The following CHEK2 variants were observed in gnomAD, a reference collection of about 807,000 sequenced individuals.
The protein encoded by CHEK2 is serine/threonine-protein kinase Chk2.
A neutral mutation model predicts 69.1 loss-of-function variants in CHEK2; 71 were observed. That is an observed-to-expected ratio of 1.03 (90% CI 0.85 to 1.25). The LOEUF is 1.25. Ranked by LOEUF, CHEK2 falls within the 50% of genes most tolerant of loss-of-function variation. The probability of loss-of-function intolerance (pLI) is 0.00; values close to 1 mark genes in which losing one functional copy is unlikely to be tolerated. For missense variants in CHEK2, 664 were observed against 649.6 expected, an observed-to-expected ratio of 1.02 and a Z score of -0.24; for synonymous variants, 189 against 226.9, an observed-to-expected ratio of 0.83 and a Z score of 1.50.
intron 8 of CHEK2, among the ~76,000 whole-genome samples, chr22:28,700,206 A>C (rs1430920539): frequency 7.0e-6 from 1 of 142,736 alleles, no homozygotes; most frequent in Non-Finnish European, 1.5e-5. Flanking sequence ...GGGGCCCAGG[A>C]GTTGCTTTTT....
rs2146145499 is a variant in CHEK2 at position 28,734,458 on chromosome 22, A to G, written c.264T>C (p.Pro88=). 6.2e-7 allele frequency: 1 copy of G among 1,614,122 alleles called. No individual in the cohort carries two copies. The highest frequency in any genetic ancestry group is 8.5e-7 in the Non-Finnish European group (1 of 1,179,978). Residue 88 remains proline, a synonymous_variant, in exon 2 of 15, where the codon CCT becomes CCC. Coordinates refer to ENST00000404276, the MANE Select transcript of CHEK2 (RefSeq NM_007194.4). ...QEPEDQEPEE[P]TPAPWARLWA... is the part of the protein sequence containing the mutation. ...ATAATCGAGCCCAGGGGGCAGGGGT[A>G]GGCTCCTCAGGTTCTTGGTCCTCAG...
At chr22:28,721,751 G>A in intron 4 of CHEK2, 1 of 353,760 alleles carries the variant, frequency 2.8e-6, no homozygotes, top group Non-Finnish European at 5.9e-6. Flanking sequence ...ATTTTTTTGA[G>A]ACACGTTCTT....
intron 4 of CHEK2, chr22:28,721,428 A>T (rs1299221156): frequency 9.7e-6 from 3 of 308,890 alleles, no homozygotes; most frequent in Non-Finnish European, 2.1e-5. Flanking sequence ...CTGGGATTAC[A>T]GGCGCCTGCC....
rs529908139 is a variant in CHEK2, at chr22:28,709,864, C to A, written c.846+142G>T. 1.1e-4 allele frequency: 54 copies of A among 499,154 alleles called. 1 individual carries two copies. The East Asian group carries it at 2.0e-3, about 18-fold the overall frequency. 30.9% of individuals were successfully genotyped at this position (499,154 alleles called of 1,614,324 possible). On this transcript the variant is annotated intron_variant, in intron 7 of 14. Transcript: ENST00000404276. The stretch of plus-strand genomic sequence containing the variant: ...CTCCTGACCTCAGGTGATTCACCCA[C>A]CTCGGCCTCCCAAAGTGCTAGGGTT...
intron 7 of CHEK2, among the ~76,000 whole-genome samples, chr22:28,705,131 T>G (rs2053066599): frequency 6.7e-5 from 10 of 149,464 alleles, no homozygotes. Context: ...CAGGCTGGAG[T>G]GCGGTGGCGA....
At chr22:28,712,164 C>A in intron 5 of CHEK2, 147 bp from the exon 6 acceptor site, 1 of 673,846 alleles carries the variant, frequency 1.5e-6, no homozygotes, top group Middle Eastern at 2.7e-4. Flanking sequence ...CACAGTGAAA[C>A]TTCACCAGTG....
rs904234823 is a variant in CHEK2 at position 28,732,118 on chromosome 22, CT to C, written c.319+2284del. On this transcript the variant is annotated intron_variant, in intron 2 of 14. Coordinates refer to ENST00000404276, the MANE Select transcript of CHEK2 (RefSeq NM_007194.4). ...CACAACGCCCCGCAAATTTTTTTTT[CT>C]TTTTTTTTTGAGATGGAGTTTCGCT... Among the ~76,000 whole-genome samples the C allele has an allele frequency of 2.6e-4, 38 of 146,182 alleles. No homozygotes were observed. The East Asian group carries it at 4.0e-3, about 15-fold the overall frequency.
At chr22:28,740,764 G>C (rs2054532137) in intron 1 of CHEK2, among the ~76,000 whole-genome samples, 1 of 152,142 alleles carries the variant, frequency 6.6e-6, no homozygotes, top group Non-Finnish European at 1.5e-5. Flanking sequence ...AATGTGCATG[G>C]ACCTGGTTAT....
intron 9 of CHEK2, among the ~76,000 whole-genome samples, chr22:28,698,443 G>A (rs1369538515): frequency 6.6e-6 from 1 of 151,966 alleles, no homozygotes; most frequent in Non-Finnish European, 1.5e-5. Flanking sequence ...GTGTTTATGG[G>A]CTTCAATCTT....
intron 4 of CHEK2, among the ~76,000 whole-genome samples, chr22:28,724,208 C>G (rs1274189283): frequency 6.6e-6 from 1 of 152,038 alleles, no homozygotes; most frequent in African/African-American, 2.4e-5. Flanking sequence ...GAGTTCAAGA[C>G]CAGCCTGGCC....
intron 2 of CHEK2, among the ~76,000 whole-genome samples, chr22:28,725,872 G>A (rs1019647817): frequency 1.3e-5 from 2 of 150,362 alleles, no homozygotes; most frequent in South Asian, 2.1e-4. Context: ...CTGCGCCACT[G>A]CACACTAGCC....
At chr22:28,737,038 A>G (rs900686188) in intron 1 of CHEK2, among the ~76,000 whole-genome samples, 111 of 152,150 alleles carry the variant, frequency 7.3e-4, no homozygotes, top group Non-Finnish European at 1.2e-3. Context: ...AACAAAAAAA[A>G]GGGAGGGAGA....
chr22:28,699,856 C>T lies in CHEK2; in HGVS notation c.990G>A (p.Gln330=), dbSNP rs9625537. Residue 330 remains glutamine (Q), a synonymous_variant, in exon 9 of 15, where the codon CAG becomes CAA. Coordinates refer to ENST00000404276, the MANE Select transcript of CHEK2 (RefSeq NM_007194.4). ...KEATCKLYFY[Q]MLLAVQYLHE... ...CTTTTACCTGCACAGCCAAGAGCAT[C>T]TGGTAAAAATAGAGCTTGCAGGTAG... The T allele has an allele frequency of 1.2e-5, 19 of 1,613,574 alleles. No homozygotes were observed. Among genetic ancestry groups the T allele is most frequent in the East Asian group, 2.2e-5 (1 of 44,892 alleles).
chr22:28,725,134 A>AG lies in CHEK2; in HGVS notation c.445-11dup, dbSNP rs1172398336. ...TTTTAGGACCCACTTCCTAAAATAG[A>AG]GAACATTTTGTTTCAGACTTTGAAT... On this transcript the variant is annotated splice_polypyrimidine_tract_variant and intron_variant, in intron 3 of 14. Coordinates refer to ENST00000404276, the MANE Select transcript of CHEK2 (RefSeq NM_007194.4). 1.2e-6 allele frequency: 2 copies of AG among 1,614,022 alleles called. No homozygotes were observed. The highest frequency in any genetic ancestry group is 1.7e-6 in the Non-Finnish European group (2 of 1,180,008).
chr22:28,724,534 C>A, intron 4 of CHEK2: 1 of 251,728 alleles, frequency 4.0e-6, no homozygotes, highest in South Asian at 5.3e-5. Flanking sequence ...GCAACTAGGA[C>A]GGCAAAGTTG....
intron 2 of CHEK2, chr22:28,730,469 A>C (rs1449319792): frequency 1.4e-6 from 1 of 699,308 alleles, no homozygotes; most frequent in Non-Finnish European, 2.6e-6. Context: ...TTATCCCAGC[A>C]CTTTGGGAGG....
intron 8 of CHEK2, among the ~76,000 whole-genome samples, chr22:28,701,981 C>T (rs1289239588): frequency 1.2e-4 from 18 of 148,304 alleles, no homozygotes; most frequent in Admixed American, 1.1e-3. Context: ...GGCAGAGTCT[C>T]ACTCCCATTG....
At chr22:28,733,060 G>A (rs565290633) in intron 2 of CHEK2, among the ~76,000 whole-genome samples, 13 of 152,154 alleles carry the variant, frequency 8.5e-5, no homozygotes, top group Middle Eastern at 3.4e-3. Flanking sequence ...CCAAAGTGCT[G>A]GGATTACAGG....
At position 28,696,998 on chromosome 22, in the gene CHEK2, A is replaced by G. The variant is rs764083004; in HGVS notation, c.1009-11T>C. The G allele has an allele frequency of 6.3e-7, 1 of 1,578,270 alleles. No homozygotes were observed. Among genetic ancestry groups the G allele is most frequent in the Admixed American group, 1.7e-5 (1 of 59,940 alleles). On this transcript the variant is annotated splice_polypyrimidine_tract_variant and intron_variant, in intron 9 of 14. Transcript: ENST00000404276. ...GTTTTCATGAAGGTACTACACAGAAAGGCAGGCATGACCCTCAGATTCATG... is the reference window on the plus strand; with the variant it reads ...GTTTTCATGAAGGTACTACACAGAAGGGCAGGCATGACCCTCAGATTCATG...
Sources: allele counts gnomAD v4.1 joint callset (sites outside exome capture counted in the v4.1 genomes callset), GRCh38; gene constraint gnomAD v4.1.1; transcripts MANE v1.5; gene names NCBI Gene and HGNC (gene_info 2026-07-23, HGNC 2026-07-21).